Variants in COL21A1 observed in about 807,000 individuals in gnomAD.
COL21A1 encodes collagen alpha-1(XXI) chain.
Under a neutral mutation model 137.9 loss-of-function variants are expected in COL21A1, and 149 were observed. The ratio of observed to expected loss-of-function variants is 1.08; its 90% CI spans 0.95 to 1.24. The LOEUF (loss-of-function observed/expected upper bound fraction) is 1.24, where lower values mean the gene tolerates loss of function less well. Among genes scored for constraint, COL21A1 ranks in the 50% most tolerant of loss-of-function variants. The pLI is 0.00. For missense variants in COL21A1, 1,167 were observed against 1,158.4 expected (o/e 1.01, Z -0.11); for synonymous variants, 456 against 391.5 (o/e 1.16, Z -1.95).
chr6:56,277,104 G>A (rs1314858173), intron 1 of COL21A1, among the ~76,000 whole-genome samples: 1 of 152,088 alleles, frequency 6.6e-6, no homozygotes, highest in Non-Finnish European at 1.5e-5. Flanking sequence ...ACAGGTGTGA[G>A]CCATCACACC....
At chr6:56,223,184 G>C (rs1439909990) in intron 1 of COL21A1, among the ~76,000 whole-genome samples, 4 of 152,188 alleles carry the variant, frequency 2.6e-5, no homozygotes, top group Non-Finnish European at 5.9e-5. Context: ...CTGAAGTCAA[G>C]CTGATCATGA....
chr6:56,194,163 A>C (rs1469716400), intron 1 of COL21A1, among the ~76,000 whole-genome samples: 2 of 152,208 alleles, frequency 1.3e-5, no homozygotes, highest in Non-Finnish European at 2.9e-5. Context: ...TCTACCAAAA[A>C]TATCTCAGTA....
In COL21A1 at chr6:56,361,931, G is replaced by C. The variant is rs561545578; in HGVS notation, c.-39+32040C>G. 3.3e-5 allele frequency among the ~76,000 whole-genome samples: 5 copies of C among 152,328 alleles called. No homozygotes were observed. The East Asian group carries it at 9.7e-4, about 29-fold the overall frequency. On this transcript the variant is annotated intron_variant, in intron 1 of 28. Coordinates refer to the COL21A1 transcript ENST00000370819. ...GGATATCAAGCATTGTTTTCAAACA[G>C]ACGTAACCTTTTCCTTTGGCTCTCT... is the stretch of plus-strand genomic sequence containing the variant.
chr6:56,210,302 C>T (rs1039957751), intron 1 of COL21A1, among the ~76,000 whole-genome samples: 2 of 151,962 alleles, frequency 1.3e-5, no homozygotes, highest in African/African-American at 4.8e-5. Flanking sequence ...TATGAGCTTA[C>T]AATGACAAAT....
At chr6:56,086,072 G>C (rs1451526484) in intron 17 of COL21A1, among the ~76,000 whole-genome samples, 1 of 151,240 alleles carries the variant, frequency 6.6e-6, no homozygotes, top group Non-Finnish European at 1.5e-5. Flanking sequence ...GTCATCAGGG[G>C]TTTTAAATTT....
chr6:56,112,037 G>C (rs1771474501), intron 16 of COL21A1, among the ~76,000 whole-genome samples: 1 of 151,768 alleles, frequency 6.6e-6, no homozygotes, highest in South Asian at 2.1e-4. Context: ...CAATTTCAAG[G>C]TTTATTTTAA....
intron 12 of COL21A1, among the ~76,000 whole-genome samples, chr6:56,129,749 A>C (rs1773371700): frequency 1.3e-5 from 2 of 150,174 alleles, no homozygotes; most frequent in Non-Finnish European, 3.0e-5. Flanking sequence ...ATAGGTAGGG[A>C]GAGAAAAGAC....
At chr6:56,129,188 A>G (rs1431457795) in intron 12 of COL21A1, among the ~76,000 whole-genome samples, 1 of 152,136 alleles carries the variant, frequency 6.6e-6, no homozygotes, top group Non-Finnish European at 1.5e-5. Flanking sequence ...AAACATTGAT[A>G]TTATCATTTC....
intron 10 of COL21A1, among the ~76,000 whole-genome samples, chr6:56,147,608 AC>A (rs1366840418): frequency 6.6e-6 from 1 of 152,076 alleles, no homozygotes; most frequent in African/African-American, 2.4e-5. Context: ...TGCGTCAGTG[AC>A]CAATTCTTTG....
At chr6:56,267,645 A>T (rs2152331804) in intron 1 of COL21A1, among the ~76,000 whole-genome samples, 1 of 151,672 alleles carries the variant, frequency 6.6e-6, no homozygotes, top group East Asian at 1.9e-4. Flanking sequence ...AATCCCAGCT[A>T]CTCGGGAGGC....
At chr6:56,230,578 A>G (rs1273176126) in intron 1 of COL21A1, among the ~76,000 whole-genome samples, 1 of 151,824 alleles carries the variant, frequency 6.6e-6, no homozygotes, top group Non-Finnish European at 1.5e-5. Flanking sequence ...AACATAAAGT[A>G]TTGTCATGTT....
chr6:56,379,379 G>A (rs1562078953), intron 1 of COL21A1, among the ~76,000 whole-genome samples: 1 of 152,018 alleles, frequency 6.6e-6, no homozygotes, highest in Non-Finnish European at 1.5e-5. Context: ...TTTAACAGCA[G>A]AAAAAAAGGA....
intron 1 of COL21A1, among the ~76,000 whole-genome samples, chr6:56,194,189 A>G (rs1220138609): frequency 6.6e-6 from 1 of 152,204 alleles, no homozygotes; most frequent in African/African-American, 2.4e-5. Flanking sequence ...ATTTATATGT[A>G]ATTCATTCAG....
At chr6:56,155,314 T>C (rs977746784) in intron 10 of COL21A1, among the ~76,000 whole-genome samples, 19 of 152,186 alleles carry the variant, frequency 1.2e-4, no homozygotes, top group Non-Finnish European at 1.2e-4. Flanking sequence ...TACTACTTCT[T>C]CAAAATCTGG....
At chr6:56,119,595 G>A (rs1772269684) in intron 16 of COL21A1, among the ~76,000 whole-genome samples, 2 of 151,928 alleles carry the variant, frequency 1.3e-5, no homozygotes, top group South Asian at 4.2e-4. Flanking sequence ...ACCCAGAATG[G>A]CCAAAGCTAT....
At chr6:56,182,754 C>T in intron 1 of COL21A1, 98 bp from the exon 2 acceptor site, 1 of 610,134 alleles carries the variant, frequency 1.6e-6, no homozygotes, top group Non-Finnish European at 2.9e-6. Flanking sequence ...TGAAGTACAG[C>T]TAATTTTGTG....
At chr6:56,260,876 GTA>G (rs978037117) in intron 1 of COL21A1, among the ~76,000 whole-genome samples, 23 of 94,826 alleles carry the variant, frequency 2.4e-4, no homozygotes, top group African/African-American at 4.0e-4. Flanking sequence ...GTGTGTGTGT[GTA>G]TGTGTGTGTG....
intron 1 of COL21A1, among the ~76,000 whole-genome samples, chr6:56,388,051 TTGCAACTTGGG>T (rs2152353268): frequency 6.6e-6 from 1 of 152,252 alleles, no homozygotes; most frequent in Non-Finnish European, 1.5e-5. Context: ...GAACTTTGTC[TTGCAACTTGGG>T]TACCAGCTCA....
At chr6:56,345,544 C>G (rs891604288) in intron 1 of COL21A1, among the ~76,000 whole-genome samples, 1 of 152,172 alleles carries the variant, frequency 6.6e-6, no homozygotes, top group African/African-American at 2.4e-5. Context: ...GATGTTGAAA[C>G]CAATGCTCTT....
Sources: allele counts gnomAD v4.1 joint callset (sites outside exome capture counted in the v4.1 genomes callset), GRCh38; gene constraint gnomAD v4.1.1; transcripts MANE v1.5; gene names NCBI Gene and HGNC (gene_info 2026-07-23, HGNC 2026-07-21).